The following DPP10 variants were observed in gnomAD, a reference collection of about 807,000 sequenced individuals.
The protein encoded by DPP10 is dipeptidyl peptidase like 10.
Under a neutral mutation model 120.9 loss-of-function variants are expected in DPP10, and 33 were observed. That is an observed-to-expected ratio of 0.27 (90% confidence interval 0.21 to 0.37). The LOEUF (loss-of-function observed/expected upper bound fraction) is 0.37. DPP10 is among the 10% of genes least tolerant of loss of function. DPP10 has a pLI of 1.00. For synonymous variants in DPP10, 337 were observed against 326.1 expected (o/e 1.03, Z -0.36); for missense variants, 816 against 942.8 (o/e 0.87, Z 1.76).
chr2:114,747,679 T>A (rs1678705650), intron 1 of DPP10, among the ~76,000 whole-genome samples: 1 of 152,240 alleles, frequency 6.6e-6, no homozygotes, highest in Non-Finnish European at 1.5e-5. Context: ...CTTCACAGTT[T>A]GTTCTTTCTT....
chr2:115,275,940 A>G (rs1466463414), intron 1 of DPP10, among the ~76,000 whole-genome samples: 2 of 151,828 alleles, frequency 1.3e-5, no homozygotes, highest in African/African-American at 4.8e-5. Flanking sequence ...TGACCTCGTG[A>G]TCCGCCCGCC....
intron 1 of DPP10, among the ~76,000 whole-genome samples, chr2:114,771,861 A>G (rs1476139706): frequency 6.6e-6 from 1 of 152,170 alleles, no homozygotes; most frequent in Non-Finnish European, 1.5e-5. Context: ...TAAAACACTT[A>G]ATAAACACTT....
At chr2:115,037,296 T>C (rs1227548842) in intron 1 of DPP10, among the ~76,000 whole-genome samples, 5 of 152,232 alleles carry the variant, frequency 3.3e-5, no homozygotes, top group Non-Finnish European at 5.9e-5. Context: ...TATACTAAAG[T>C]TGTTATGGAA....
chr2:114,925,572 C>T (rs1486331029), intron 1 of DPP10, among the ~76,000 whole-genome samples: 1 of 152,126 alleles, frequency 6.6e-6, no homozygotes, highest in East Asian at 1.9e-4. Flanking sequence ...CAAGAAGTTT[C>T]ACAATATTTT....
chr2:115,786,693 C>T (rs914590494), intron 17 of DPP10, among the ~76,000 whole-genome samples: 3 of 152,002 alleles, frequency 2.0e-5, no homozygotes, highest in Non-Finnish European at 4.4e-5. Context: ...AAGGAATAAG[C>T]TAATCATAAT....
At chr2:115,803,180 A>T (rs1413820534) in intron 19 of DPP10, among the ~76,000 whole-genome samples, 2 of 152,146 alleles carry the variant, frequency 1.3e-5, no homozygotes, top group Non-Finnish European at 2.9e-5. Context: ...CTTTACTATT[A>T]TGTAATTTCC....
chr2:115,472,825 G>T (rs999705922), intron 3 of DPP10, among the ~76,000 whole-genome samples: 2 of 152,104 alleles, frequency 1.3e-5, no homozygotes, highest in African/African-American at 4.8e-5. Flanking sequence ...GAGATTTTTG[G>T]ATACTCTTTT....
At chr2:115,304,956 T>A (rs1001550036) in intron 1 of DPP10, among the ~76,000 whole-genome samples, 1 of 152,086 alleles carries the variant, frequency 6.6e-6, no homozygotes, top group Non-Finnish European at 1.5e-5. Flanking sequence ...GTAGATGTAA[T>A]GTAAATAGTT....
chr2:115,110,012 A>G (rs2049135805), intron 1 of DPP10, among the ~76,000 whole-genome samples: 1 of 152,184 alleles, frequency 6.6e-6, no homozygotes, highest in African/African-American at 2.4e-5. Flanking sequence ...GTTTTCTAAT[A>G]TGGTAGTTGG....
At chr2:115,755,524 T>C (rs1679282611) in intron 11 of DPP10, among the ~76,000 whole-genome samples, 1 of 151,976 alleles carries the variant, frequency 6.6e-6, no homozygotes, top group Admixed American at 6.6e-5. Context: ...TCAAAATGAA[T>C]TAAAAACTGA....
rs371538490 is a variant in DPP10 at position 114,942,300 on chromosome 2, T to C, written c.61-366939T>C. Among the ~76,000 whole-genome samples the C allele has an allele frequency of 2.4e-4, 26 of 110,618 alleles. 1 individual carries two copies. The highest frequency in any genetic ancestry group is 1.8e-3 in the Admixed American group (18 of 9,892). 72.6% of individuals were successfully genotyped at this position (110,618 alleles called of 152,430 possible). A position where few individuals can be genotyped will look rare whatever the true frequency, so the allele number is the denominator to read the frequency against. ...AAAAAAAAATGTGTATATATATACA[T>C]ATATATATATATATATATATACACA... On this transcript the variant is annotated intron_variant, in intron 1 of 25. Coordinates refer to ENST00000410059, the MANE Select transcript of DPP10 (RefSeq NM_020868.6).
chr2:114,470,797 C>G (rs1302060100), intron 1 of DPP10, among the ~76,000 whole-genome samples: 1 of 152,186 alleles, frequency 6.6e-6, no homozygotes, highest in South Asian at 2.1e-4. Context: ...ACTTAAGACA[C>G]TTGAAAGTGG....
intron 1 of DPP10, among the ~76,000 whole-genome samples, chr2:115,088,586 A>G (rs9917121): frequency 0.79 from 120,084 of 151,282 alleles, 48,408 homozygotes; most frequent in Non-Finnish European, 0.88. Flanking sequence ...GGGAATACAC[A>G]TGGGCATCAC....
chr2:115,752,954 T>A (rs532733993), intron 10 of DPP10, among the ~76,000 whole-genome samples: 4 of 152,216 alleles, frequency 2.6e-5, no homozygotes, highest in Admixed American at 2.6e-4. Context: ...TATGTATACA[T>A]CCATGTGAAT....
At chr2:115,153,919 C>A (rs2051728358) in intron 1 of DPP10, among the ~76,000 whole-genome samples, 1 of 152,058 alleles carries the variant, frequency 6.6e-6, no homozygotes, top group Non-Finnish European at 1.5e-5. Flanking sequence ...TATTTTCTTG[C>A]TATATTTGTA....
chr2:115,670,644 AC>A (rs765786011), intron 5 of DPP10, among the ~76,000 whole-genome samples: 1 of 152,106 alleles, frequency 6.6e-6, no homozygotes, highest in Non-Finnish European at 1.5e-5. Context: ...ATATATACCT[AC>A]CACTTAAAAT....
At chr2:115,307,921 A>G (rs538966501) in intron 1 of DPP10, among the ~76,000 whole-genome samples, 56 of 152,268 alleles carry the variant, frequency 3.7e-4, no homozygotes, top group African/African-American at 1.3e-3. Flanking sequence ...AATAAGCATT[A>G]TTTGAAAAAG....
chr2:115,382,892 G>T (rs1434527134), intron 3 of DPP10, among the ~76,000 whole-genome samples: 2 of 152,174 alleles, frequency 1.3e-5, no homozygotes, highest in Non-Finnish European at 2.9e-5. Flanking sequence ...CAATTGTGGG[G>T]CAGGAGGGAA....
intron 24 of DPP10, among the ~76,000 whole-genome samples, chr2:115,840,162 A>C (rs1438517731): frequency 6.6e-6 from 1 of 151,646 alleles, no homozygotes; most frequent in Non-Finnish European, 1.5e-5. Context: ...AATAAATACT[A>C]TCCAGTAAAG....
Sources: allele counts gnomAD v4.1 joint callset (sites outside exome capture counted in the v4.1 genomes callset), GRCh38; gene constraint gnomAD v4.1.1; transcripts MANE v1.5; gene names NCBI Gene and HGNC (gene_info 2026-07-23, HGNC 2026-07-21).